The following TECTA variants were observed in gnomAD, a reference collection of about 807,000 sequenced individuals.
The protein encoded by TECTA is tectorin alpha.
Under a neutral mutation model 216.8 loss-of-function variants are expected in TECTA, and 128 were observed. That is an observed-to-expected ratio of 0.59 (90% CI 0.51 to 0.68). The LOEUF is 0.68. TECTA is among the 30% of genes least tolerant of loss of function. The probability of loss-of-function intolerance (pLI) is 0.00; values close to 1 mark genes in which losing one functional copy is unlikely to be tolerated. For synonymous variants in TECTA, 1,089 were observed against 1,117.1 expected, an observed-to-expected ratio of 0.97 and a Z score of 0.50; for missense variants, 2,551 against 2,786.2, an observed-to-expected ratio of 0.92 and a Z score of 1.90.
At chr11:121,143,170 A>T (rs1185600671) in intron 11 of TECTA, among the ~76,000 whole-genome samples, 1 of 152,158 alleles carries the variant, frequency 6.6e-6, no homozygotes, top group South Asian at 2.1e-4. Flanking sequence ...TGCAGGGTTT[A>T]TCTCTTGGGC....
In TECTA at chr11:121,128,192, C is replaced by A. The variant is rs1313344538; in HGVS notation, c.2215C>A (p.Leu739Ile). 2 of 1,607,158 alleles carry A rather than the reference C, an allele frequency of 1.2e-6. No individual in the cohort carries two copies. The highest frequency in any genetic ancestry group is 4.5e-5 in the East Asian group (2 of 44,888). Residue 739 changes from leucine (L) to isoleucine (I), a missense_variant, in exon 9 of 24, where the codon CTC (leucine) becomes ATC (isoleucine). Leu to Ile is a conservative substitution (Grantham distance 5). This residue lies in a region of TECTA where 2,375 missense variants were observed against 2,563.9 expected (regional missense o/e 0.93). Coordinates refer to ENST00000392793, the MANE Select transcript of TECTA (RefSeq NM_005422.4). Reference protein sequence around the residue: ...YAFPSEFSYTLLKTCPERPEY... With the variant: ...YAFPSEFSYTILKTCPERPEY... ...CTTCCCCTCCGAGTTCTCCTACACCCTCCTGAAGACCTGCCCTGAGCGCCC... is the reference window on the plus strand; with the variant it reads ...CTTCCCCTCCGAGTTCTCCTACACCATCCTGAAGACCTGCCCTGAGCGCCC...
At chr11:121,120,741 T>C (rs1946549677) in intron 7 of TECTA, among the ~76,000 whole-genome samples, 1 of 152,206 alleles carries the variant, frequency 6.6e-6, no homozygotes, top group Admixed American at 6.5e-5. Flanking sequence ...TAAAAATCCA[T>C]CTAGAAAAAG....
rs1934617028 is a variant in TECTA at position 121,113,013 on chromosome 11, T to C, written c.487-59T>C. 1.2e-6 allele frequency: 2 copies of C among 1,611,098 alleles called. No homozygotes were observed. The highest frequency in any genetic ancestry group is 1.7e-4 in the Middle Eastern group (1 of 6,052). On this transcript the variant is annotated intron_variant, in intron 4 of 23. Transcript: ENST00000392793. The surrounding 1 kb of genome is among the most constrained non-coding windows in gnomAD (Gnocchi z 4.2). The stretch of plus-strand genomic sequence containing the variant: ...GGCGCAGGGTGAAGGGAGGACCTCC[T>C]TGGGGCCAGGACCTCCTGGGGAGTG...
At chr11:121,155,951 GA>G (rs1946936488) in intron 13 of TECTA, among the ~76,000 whole-genome samples, 1 of 152,146 alleles carries the variant, frequency 6.6e-6, no homozygotes, top group South Asian at 2.1e-4. Flanking sequence ...GGAAAGAAAT[GA>G]AAAGAAAAGA....
Position 121,162,247 on chromosome 11 carries a change from T to C in TECTA, c.5149T>C (p.Cys1717Arg). The stretch of plus-strand genomic sequence containing the variant: ...CGATCCCCTCCCATTCTACGAGTCC[T>C]GCTACCTGGACGGCTGCTACAGCCA... ...LLDPLPFYES[C>R]YLDGCYSHKK... Residue 1717 changes from cysteine (C) to arginine (R), a missense_variant, in exon 16 of 24, where the codon TGC (cysteine) becomes CGC (arginine). Physicochemically the swap from Cys to Arg is radical, Grantham distance 180 (BLOSUM62 -3). Coordinates refer to ENST00000392793, the MANE Select transcript of TECTA (RefSeq NM_005422.4). The C allele has an allele frequency of 1.2e-6, 2 of 1,614,140 alleles. No individual in the cohort carries two copies. The highest frequency in any genetic ancestry group is 1.7e-6 in the Non-Finnish European group (2 of 1,180,036).
rs1197640829 is a variant in TECTA at position 121,102,646 on chromosome 11, T to C, written c.-1-19T>C. 1.2e-6 allele frequency: 2 copies of C among 1,608,450 alleles called. No homozygotes were observed. The highest frequency in any genetic ancestry group is 1.3e-5 in the African/African-American group (1 of 74,776). ...GGCAAGCTGGGGATTTTTTTTTCAT[T>C]TTCTTTTTAAAATTCCAGGATGAAT... On this transcript the variant is annotated intron_variant, in intron 1 of 23. Transcript: ENST00000392793.
At chr11:121,182,455 G>A (rs1437029492) in intron 20 of TECTA, among the ~76,000 whole-genome samples, 5 of 152,186 alleles carry the variant, frequency 3.3e-5, no homozygotes, top group African/African-American at 7.2e-5. Context: ...AAATGTAGTC[G>A]TTGGCAGTGG....
intron 20 of TECTA, among the ~76,000 whole-genome samples, chr11:121,180,718 C>T (rs2847392): frequency 0.03 from 4,515 of 151,558 alleles, 203 homozygotes; most frequent in African/African-American, 0.1. Flanking sequence ...TGCCTTTGGA[C>T]ATCTTTTGCC....
intron 7 of TECTA, among the ~76,000 whole-genome samples, chr11:121,120,449 C>T (rs1946546577): frequency 6.6e-6 from 1 of 152,194 alleles, no homozygotes; most frequent in South Asian, 2.1e-4. Flanking sequence ...AGCCCCGACC[C>T]AGGGTGATGT....
chr11:121,190,454 G>A (rs1441361027), intron 23 of TECTA, among the ~76,000 whole-genome samples: 1 of 152,132 alleles, frequency 6.6e-6, no homozygotes, highest in African/African-American at 2.4e-5. Context: ...TAGTAGAGAT[G>A]GGGTTTCACC....
Sources: allele counts gnomAD v4.1 joint callset (sites outside exome capture counted in the v4.1 genomes callset), GRCh38; gene constraint gnomAD v4.1.1; regional missense constraint gnomAD v4.1.1; non-coding constraint Gnocchi (gnomAD v3.1); transcripts MANE v1.5; gene names NCBI Gene and HGNC (gene_info 2026-07-23, HGNC 2026-07-21).